The following NLGN1 variants were observed in gnomAD, a reference collection of about 807,000 sequenced individuals.
NLGN1 encodes neuroligin 1.
Under a neutral mutation model 65.5 loss-of-function variants are expected in NLGN1, and 12 were observed. The ratio of observed to expected loss-of-function variants is 0.18; its 90% CI spans 0.12 to 0.30. The LOEUF is 0.30. NLGN1 is among the 10% of genes least tolerant of loss of function. The pLI, the probability that NLGN1 is intolerant of heterozygous loss-of-function variation, is 1.00. For synonymous variants in NLGN1, 350 were observed against 359.5 expected, an observed-to-expected ratio of 0.97 and a Z score of 0.30; for missense variants, 750 against 1,007.1, an observed-to-expected ratio of 0.74 and a Z score of 3.46.
chr3:173,642,246 A>T (rs1042648733), intron 3 of NLGN1, among the ~76,000 whole-genome samples: 1 of 152,198 alleles, frequency 6.6e-6, no homozygotes, highest in Non-Finnish European at 1.5e-5. Context: ...GAAACAAAAA[A>T]ACAGGCAAAA....
intron 2 of NLGN1, among the ~76,000 whole-genome samples, chr3:173,468,622 T>C (rs1724786621): frequency 6.6e-6 from 1 of 152,076 alleles, no homozygotes; most frequent in African/African-American, 2.4e-5. Context: ...ATAACCTTTT[T>C]CCGTCAGTAG....
chr3:173,944,124 G>GTTGTGTGGGTGTGT (rs34721217), intron 4 of NLGN1, among the ~76,000 whole-genome samples: 3 of 139,512 alleles, frequency 2.2e-5, no homozygotes, highest in Admixed American at 2.1e-4. Flanking sequence ...TAATATTATG[G>GTTGTGTGGGTGTGT]GTGTGTGTGT....
chr3:174,190,021 G>A (rs1732092535), intron 4 of NLGN1, among the ~76,000 whole-genome samples: 1 of 151,998 alleles, frequency 6.6e-6, no homozygotes, highest in African/African-American at 2.4e-5. Flanking sequence ...AATATCAGGG[G>A]CATTCAATAA....
At chr3:173,830,728 C>T (rs185031279) in intron 4 of NLGN1, among the ~76,000 whole-genome samples, 15 of 152,206 alleles carry the variant, frequency 9.9e-5, no homozygotes, top group Admixed American at 9.8e-4. Context: ...TAGTGTTATT[C>T]ATATATTACG....
intron 3 of NLGN1, among the ~76,000 whole-genome samples, chr3:173,653,291 G>A (rs1247707779): frequency 2.0e-5 from 3 of 152,138 alleles, no homozygotes; most frequent in African/African-American, 7.2e-5. Context: ...CATAGGACTG[G>A]TGTAATTGTA....
chr3:174,070,830 G>A (rs1217786150), intron 4 of NLGN1, among the ~76,000 whole-genome samples: 1 of 152,112 alleles, frequency 6.6e-6, no homozygotes, highest in African/African-American at 2.4e-5. Flanking sequence ...CAAGGTAGGA[G>A]GATTGCTTGA....
At chr3:173,440,693 G>A (rs1465723341) in intron 2 of NLGN1, among the ~76,000 whole-genome samples, 2 of 152,128 alleles carry the variant, frequency 1.3e-5, no homozygotes, top group Admixed American at 6.6e-5. Context: ...GTAAAGAGAT[G>A]TGCTGTCATC....
At chr3:173,927,569 G>C (rs1333344999) in intron 4 of NLGN1, among the ~76,000 whole-genome samples, 1 of 152,018 alleles carries the variant, frequency 6.6e-6, no homozygotes, top group Non-Finnish European at 1.5e-5. Flanking sequence ...GGCTACTTCT[G>C]GCTGTTTCCA....
chr3:174,002,307 T>C (rs1431430377), intron 4 of NLGN1, among the ~76,000 whole-genome samples: 1 of 152,082 alleles, frequency 6.6e-6, no homozygotes, highest in Non-Finnish European at 1.5e-5. Flanking sequence ...TTTGTATTTT[T>C]AGTAGAGATA....
At chr3:174,057,134 A>G (rs1043361253) in intron 4 of NLGN1, among the ~76,000 whole-genome samples, 2 of 152,036 alleles carry the variant, frequency 1.3e-5, no homozygotes, top group Middle Eastern at 3.4e-3. Flanking sequence ...TGAGGGGAAA[A>G]AAAAAGAACT....
chr3:173,426,532 T>C (rs745825177), intron 1 of NLGN1, among the ~76,000 whole-genome samples: 20 of 152,106 alleles, frequency 1.3e-4, no homozygotes, highest in Admixed American at 3.9e-4. Context: ...GAGTTTTTAT[T>C]ATGAACAGAT....
chr3:173,523,075 GA>G (rs776158277), intron 2 of NLGN1, among the ~76,000 whole-genome samples: 5 of 151,456 alleles, frequency 3.3e-5, no homozygotes, highest in Non-Finnish European at 5.9e-5. Context: ...GTCTTCTTTT[GA>G]AAAATGTCTC....
intron 1 of NLGN1, among the ~76,000 whole-genome samples, chr3:173,424,196 A>ACTGGGCC (rs1294880746): frequency 1.3e-5 from 2 of 152,182 alleles, no homozygotes; most frequent in African/African-American, 4.8e-5. Flanking sequence ...GCACGGATCC[A>ACTGGGCC]CTGGGCCCTG....
intron 4 of NLGN1, among the ~76,000 whole-genome samples, chr3:174,134,266 C>A (rs1003034112): frequency 6.6e-6 from 1 of 151,910 alleles, no homozygotes; most frequent in African/African-American, 2.4e-5. Context: ...GACTGGCTGC[C>A]GGGGAATTGG....
chr3:173,708,593 G>A (rs550751830), intron 3 of NLGN1, among the ~76,000 whole-genome samples: 4 of 152,130 alleles, frequency 2.6e-5, no homozygotes, highest in African/African-American at 4.8e-5. Flanking sequence ...TTTTTGATAC[G>A]TAAGGAATAG....
intron 2 of NLGN1, among the ~76,000 whole-genome samples, chr3:173,543,762 G>A (rs548658047): frequency 6.6e-6 from 1 of 152,180 alleles, no homozygotes; most frequent in East Asian, 1.9e-4. Flanking sequence ...AGTCAGTATA[G>A]TAGAAGATAG....
At chr3:174,235,556 A>G (rs1741551753) in intron 4 of NLGN1, among the ~76,000 whole-genome samples, 1 of 152,166 alleles carries the variant, frequency 6.6e-6, no homozygotes, top group South Asian at 2.1e-4. Context: ...GACGCATCTT[A>G]CATTTAGATT....
chr3:173,533,667 A>G (rs904552235), intron 2 of NLGN1, among the ~76,000 whole-genome samples: 7 of 152,150 alleles, frequency 4.6e-5, no homozygotes, highest in African/African-American at 1.4e-4. Context: ...ACAATTACGT[A>G]TAGAAGCAAG....
intron 4 of NLGN1, among the ~76,000 whole-genome samples, chr3:174,177,958 A>G (rs181074782): frequency 1.3e-3 from 193 of 152,224 alleles, no homozygotes; most frequent in African/African-American, 4.4e-3. Flanking sequence ...CATCAGTTCC[A>G]GGGTCGGGTG....
Sources: gnomAD v4.1 joint callset for allele counts (sites outside exome capture counted in the v4.1 genomes callset) on GRCh38, gnomAD v4.1.1 for gene constraint, MANE v1.5 for transcripts, NCBI Gene and HGNC (gene_info 2026-07-23, HGNC 2026-07-21) for gene names.